Variants in DTNB observed in about 807,000 individuals in gnomAD.
DTNB encodes DTN-B.
DTNB carries 63 observed loss-of-function variants against 90.7 expected under a neutral mutation model. The ratio of observed to expected loss-of-function variants is 0.69; its 90% CI spans 0.57 to 0.86. DTNB has a LOEUF of 0.86. DTNB is among the 40% of genes least tolerant of loss of function. The pLI, the probability that DTNB is intolerant of heterozygous loss-of-function variation, is 0.00. For missense variants in DTNB, 744 were observed against 807.1 expected, an observed-to-expected ratio of 0.92 and a Z score of 0.95; for synonymous variants, 277 against 286.7, an observed-to-expected ratio of 0.97 and a Z score of 0.34.
At position 25,543,915 on chromosome 2, in the gene DTNB, A is replaced by G. The variant is rs570960958; in HGVS notation, c.877-12318T>C. ...CTCTCAAAATAGTTTTATGAATTAG[A>G]TGTTAACATATAGGCACAGAAATTA... On this transcript the variant is annotated intron_variant, in intron 8 of 20. Transcript: ENST00000406818. Among the ~76,000 whole-genome samples, 867 of 152,302 alleles carry G rather than the reference A, an allele frequency of 5.7e-3. 3 individuals are homozygous for G. Among genetic ancestry groups the G allele is most frequent in the Non-Finnish European group, 0.01 (698 of 68,036 alleles).
At chr2:25,648,959 A>G (rs1031442030) in intron 2 of DTNB, among the ~76,000 whole-genome samples, 1 of 149,892 alleles carries the variant, frequency 6.7e-6, no homozygotes, top group Non-Finnish European at 1.5e-5. Flanking sequence ...AAATATTCCC[A>G]TGAAAATCAA....
At chr2:25,609,657 T>TACACAC (rs4007298) in intron 4 of DTNB, among the ~76,000 whole-genome samples, 3,243 of 126,924 alleles carry the variant, frequency 0.026, 41 homozygotes, top group Non-Finnish European at 0.032. Flanking sequence ...TAATAGAATG[T>TACACAC]ACACACACAC....
intron 8 of DTNB, among the ~76,000 whole-genome samples, chr2:25,533,494 G>A (rs1162992966): frequency 3.3e-5 from 5 of 152,056 alleles, no homozygotes; most frequent in South Asian, 2.1e-4. Context: ...TATTAAAACC[G>A]TTTCTGCACT....
intron 20 of DTNB, among the ~76,000 whole-genome samples, chr2:25,378,164 G>A (rs777734950): frequency 1.3e-5 from 2 of 152,278 alleles, no homozygotes; most frequent in Non-Finnish European, 2.9e-5. Context: ...AGGGGCTCTG[G>A]CAGGCTCCTG....
chr2:25,415,269 CAG>C (rs1479981002), intron 16 of DTNB, among the ~76,000 whole-genome samples: 2 of 124,200 alleles, frequency 1.6e-5, no homozygotes, highest in African/African-American at 3.1e-5. Flanking sequence ...TTTTTTGAGA[CAG>C]AGTCTCGCTC....
intron 4 of DTNB, among the ~76,000 whole-genome samples, chr2:25,611,672 T>A (rs1031286336): frequency 6.6e-6 from 1 of 152,108 alleles, no homozygotes; most frequent in Admixed American, 6.5e-5. Flanking sequence ...TAGGATCCTA[T>A]CGACTTCTAA....
At chr2:25,673,217 G>T (rs1039316731) in intron 1 of DTNB, among the ~76,000 whole-genome samples, 169 bp downstream of exon 1, 14 of 151,436 alleles carry the variant, frequency 9.2e-5, no homozygotes, top group Non-Finnish European at 2.1e-4. Context: ...CGCGCGCGGT[G>T]CAGCGGCCCC....
intron 8 of DTNB, among the ~76,000 whole-genome samples, chr2:25,548,994 T>G (rs950609821): frequency 1.3e-5 from 2 of 152,210 alleles, no homozygotes; most frequent in Non-Finnish European, 2.9e-5. Context: ...TTTCTAGCAT[T>G]TGAAGTCTCC....
At chr2:25,397,529 A>G (rs2149611492) in intron 16 of DTNB, among the ~76,000 whole-genome samples, 1 of 152,258 alleles carries the variant, frequency 6.6e-6, no homozygotes, top group East Asian at 1.9e-4. Context: ...AAATGCCTAG[A>G]TTAAGTGACC....
At chr2:25,634,070 G>T (rs2148779796) in intron 3 of DTNB, among the ~76,000 whole-genome samples, 1 of 152,136 alleles carries the variant, frequency 6.6e-6, no homozygotes, top group South Asian at 2.1e-4. Context: ...CAGGAGGGAG[G>T]TGGGGGGGTC....
chr2:25,558,197 A>G (rs2057685105), intron 8 of DTNB: 1 of 984,776 alleles, frequency 1.0e-6, no homozygotes, highest in African/African-American at 1.7e-5. Context: ...TATAACACAC[A>G]TGGATTAAAT....
intron 8 of DTNB, among the ~76,000 whole-genome samples, chr2:25,565,433 A>G (rs566032038): frequency 6.6e-6 from 1 of 152,116 alleles, no homozygotes; most frequent in African/African-American, 2.4e-5. Context: ...TTATTTTGGT[A>G]GAGATAGCGT....
intron 12 of DTNB, among the ~76,000 whole-genome samples, chr2:25,450,701 G>C (rs1013307999): frequency 2.6e-5 from 4 of 151,994 alleles, no homozygotes; most frequent in Non-Finnish European, 5.9e-5. Context: ...CATTTATTTA[G>C]GTTTTCTTTA....
chr2:25,482,555 A>C (rs2065183105), intron 10 of DTNB, among the ~76,000 whole-genome samples: 1 of 152,130 alleles, frequency 6.6e-6, no homozygotes, highest in Non-Finnish European at 1.5e-5. Context: ...GTCACAAATG[A>C]AGTTTCCACC....
At chr2:25,663,023 G>A (rs1248014021) in intron 1 of DTNB, among the ~76,000 whole-genome samples, 2 of 152,094 alleles carry the variant, frequency 1.3e-5, no homozygotes, top group African/African-American at 4.8e-5. Flanking sequence ...TTTAAGCCCT[G>A]CATGCATTAG....
intron 10 of DTNB, among the ~76,000 whole-genome samples, chr2:25,475,469 G>A (rs2063567741): frequency 6.6e-6 from 1 of 152,264 alleles, no homozygotes; most frequent in Non-Finnish European, 1.5e-5. Flanking sequence ...GAGGTTTAAG[G>A]AAAGAACCAT....
At chr2:25,631,331 G>C (rs2075698617) in intron 3 of DTNB, among the ~76,000 whole-genome samples, 1 of 152,138 alleles carries the variant, frequency 6.6e-6, no homozygotes, top group African/African-American at 2.4e-5. Flanking sequence ...GCTCATGTCT[G>C]TAATCCCACT....
chr2:25,462,939 G>C (rs1285840619), intron 10 of DTNB, among the ~76,000 whole-genome samples: 1 of 152,098 alleles, frequency 6.6e-6, no homozygotes, highest in Non-Finnish European at 1.5e-5. Flanking sequence ...TGCTGACCTC[G>C]TGATCCACCC....
At position 25,589,367 on chromosome 2, in the gene DTNB, C is replaced by CTTTTTTTTTT. The variant is rs1169808182; in HGVS notation, c.603+6709_603+6718dup. 2.3e-3 allele frequency among the ~76,000 whole-genome samples: 134 copies of CTTTTTTTTTT among 57,556 alleles called. 25 individuals are homozygous for CTTTTTTTTTT. Among genetic ancestry groups the CTTTTTTTTTT allele is most frequent in the African/African-American group, 5.0e-3 (61 of 12,300 alleles). 37.8% of individuals were successfully genotyped at this position (57,556 alleles called of 152,430 possible). On this transcript the variant is annotated intron_variant, in intron 6 of 20. Transcript: ENST00000406818. ...GCTTATTCAGGTTTCTTTTTCTTTT[C>CTTTTTTTTTT]TTTTTTTTTTTTTTTTTTTTTTTTT...
Sources: gnomAD v4.1 joint callset for allele counts (sites outside exome capture counted in the v4.1 genomes callset) on GRCh38, gnomAD v4.1.1 for gene constraint, MANE v1.5 for transcripts, NCBI Gene and HGNC (gene_info 2026-07-23, HGNC 2026-07-21) for gene names.